Variants in CRLS1 observed in about 807,000 individuals in gnomAD.
CRLS1 encodes the protein cardiolipin synthase 1, also known as cardiolipin synthase (CMP-forming).
CRLS1 carries 24 observed loss-of-function variants against 37.0 expected under a neutral mutation model. The observed-to-expected ratio is 0.65, with a 90% CI of 0.47 to 0.91. The LOEUF is 0.91. Ranked by LOEUF, CRLS1 falls within the 40% of genes least tolerant of loss-of-function variation. The pLI, the probability that CRLS1 is intolerant of heterozygous loss-of-function variation, is 0.00. For missense variants in CRLS1, 373 were observed against 395.8 expected (o/e 0.94, Z 0.49); for synonymous variants, 135 against 159.7 (o/e 0.85, Z 1.17).
At chr20:6,030,928 G>A (rs1326969148) in intron 3 of CRLS1, among the ~76,000 whole-genome samples, 2 of 152,154 alleles carry the variant, frequency 1.3e-5, no homozygotes, top group South Asian at 2.1e-4. Context: ...GAGCTTAGAA[G>A]TAGCAAAGGA....
At chr20:6,031,395 C>G in intron 4 of CRLS1, 25 bp downstream of exon 4, 1 of 1,513,204 alleles carries the variant, frequency 6.6e-7, no homozygotes, top group Non-Finnish European at 9.1e-7. Context: ...AAAAAGTATT[C>G]TTTTAGCATT....
intron 3 of CRLS1, among the ~76,000 whole-genome samples, chr20:6,026,670 A>T (rs1385044180): frequency 6.6e-6 from 1 of 152,136 alleles, no homozygotes; most frequent in Non-Finnish European, 1.5e-5. Context: ...TGAAAAGTTC[A>T]TTGGGAGCTC....
intron 5 of CRLS1, among the ~76,000 whole-genome samples, chr20:6,032,745 G>T (rs926196799): frequency 4.6e-5 from 7 of 152,146 alleles, no homozygotes; most frequent in Non-Finnish European, 1.0e-4. Context: ...AGCCATATTT[G>T]TTTTTCTAGT....
rs1268029010 is a variant in CRLS1 at position 6,032,072 on chromosome 20, A to G, written c.721A>G (p.Ile241Val). The G allele has an allele frequency of 6.2e-7, 1 of 1,610,512 alleles. No homozygotes were observed. Among genetic ancestry groups the G allele is most frequent in the African/African-American group, 1.3e-5 (1 of 74,910 alleles). The change falls in exon 5 of 7, where the codon ATC (isoleucine) becomes GTC (valine). Residue 241 changes from isoleucine (I) to valine (V), a missense_variant. Ile to Val is a conservative substitution (Grantham distance 29). Transcript: ENST00000378863. ...YATARLKPTF[I>V]SKVNTAVQLI... Reference sequence around the variant, plus strand: ...CACTGCTAGGTTAAAACCAACATTCATCAGCAAGGTAAGAGAATGCAATGT... The same window carrying G: ...CACTGCTAGGTTAAAACCAACATTCGTCAGCAAGGTAAGAGAATGCAATGT...
chr20:6,027,866 G>T (rs1279432733), intron 3 of CRLS1, among the ~76,000 whole-genome samples: 3 of 152,206 alleles, frequency 2.0e-5, no homozygotes, highest in African/African-American at 7.2e-5. Context: ...TTGGGGCGGG[G>T]ATCTAACTGC....
At chr20:6,028,906 C>T (rs1979928522) in intron 3 of CRLS1, among the ~76,000 whole-genome samples, 1 of 152,220 alleles carries the variant, frequency 6.6e-6, no homozygotes, top group Non-Finnish European at 1.5e-5. Flanking sequence ...ACTGTTTTAA[C>T]TCTAGAAGAG....
chr20:6,027,710 C>T (rs1299757497), intron 3 of CRLS1, among the ~76,000 whole-genome samples: 1 of 152,210 alleles, frequency 6.6e-6, no homozygotes, highest in African/African-American at 2.4e-5. Flanking sequence ...CCACCCCGCC[C>T]AGCCTGGAAA....
At chr20:6,012,995 G>A (rs528768159) in intron 2 of CRLS1, among the ~76,000 whole-genome samples, 5 of 152,266 alleles carry the variant, frequency 3.3e-5, no homozygotes, top group East Asian at 3.9e-4. Flanking sequence ...GGGTGGGGAC[G>A]ATTGGAGTGG....
At chr20:6,023,420 C>T (rs1480816055) in intron 3 of CRLS1, 2 of 152,138 alleles carry the variant, frequency 1.3e-5, no homozygotes, top group African/African-American at 4.8e-5. Context: ...CATAGACCAC[C>T]AGGTGATGAG....
rs1007146382 is a variant in CRLS1, at chr20:6,037,966, A to T, written c.*808A>T. ...TTATGTAAATAATATCAAGCTGTAT[A>T]TTTTTCAAAGGTTTTTTAAACTTTG... On this transcript the variant is annotated 3_prime_UTR_variant, in exon 7 of 7. Coordinates refer to ENST00000378863, the MANE Select transcript of CRLS1 (RefSeq NM_019095.6). 1.3e-5 allele frequency: 2 copies of T among 152,128 alleles called. No individual in the cohort carries two copies. The highest frequency in any genetic ancestry group is 1.5e-5 in the Non-Finnish European group (1 of 68,024). 9.4% of individuals were successfully genotyped at this position (152,128 alleles called of 1,614,324 possible). A position where few individuals can be genotyped will look rare whatever the true frequency, so the allele number is the denominator to read the frequency against.
chr20:6,020,326 G>A (rs1600369144), intron 3 of CRLS1, among the ~76,000 whole-genome samples: 1 of 152,138 alleles, frequency 6.6e-6, no homozygotes, highest in Non-Finnish European at 1.5e-5. Context: ...TCATTGTCCA[G>A]TATACAATAT....
chr20:6,034,368 C>G (rs1195651603), intron 5 of CRLS1, 96 bp from the exon 6 acceptor site: 1 of 769,774 alleles, frequency 1.3e-6, no homozygotes, highest in Non-Finnish European at 2.2e-6. Context: ...GAGGGTATGT[C>G]ATGTTATAGT....
At chr20:6,033,485 C>T (rs530265825) in intron 5 of CRLS1, among the ~76,000 whole-genome samples, 14 of 152,052 alleles carry the variant, frequency 9.2e-5, no homozygotes, top group East Asian at 3.9e-4. Context: ...GGCTGCAGAA[C>T]GGGTGATAGA....
intron 3 of CRLS1, chr20:6,026,301 T>TA (rs2122994861): frequency 6.8e-6 from 1 of 147,788 alleles, no homozygotes; most frequent in African/African-American, 2.6e-5. Context: ...TGTTAGCATG[T>TA]GGTGTGAGTG....
At chr20:6,010,266 TG>T (rs2122914651) in intron 2 of CRLS1, among the ~76,000 whole-genome samples, 1 of 152,240 alleles carries the variant, frequency 6.6e-6, no homozygotes, top group East Asian at 1.9e-4. Context: ...TTCTATGTAT[TG>T]TGGTAAAGAG....
intron 3 of CRLS1, among the ~76,000 whole-genome samples, chr20:6,023,899 C>T (rs6085353): frequency 0.09 from 13,670 of 152,032 alleles, 850 homozygotes; most frequent in Middle Eastern, 0.21. Flanking sequence ...CCTATGTCCA[C>T]AAGTCTGTCA....
chr20:6,033,172 C>G (rs1980304666), intron 5 of CRLS1, among the ~76,000 whole-genome samples: 1 of 150,326 alleles, frequency 6.7e-6, no homozygotes, highest in African/African-American at 2.5e-5. Context: ...TCTTGTTGCC[C>G]AGGCTGGAGT....
chr20:6,007,655 G>A (rs1197002625), intron 1 of CRLS1, among the ~76,000 whole-genome samples: 1 of 152,076 alleles, frequency 6.6e-6, no homozygotes, highest in Non-Finnish European at 1.5e-5. Flanking sequence ...TTAATTTGGG[G>A]ACCTTTTTTC....
intron 2 of CRLS1, among the ~76,000 whole-genome samples, chr20:6,013,732 T>A (rs1240922082): frequency 2.0e-5 from 3 of 152,188 alleles, no homozygotes; most frequent in East Asian, 3.8e-4. Flanking sequence ...ATGGGAGATT[T>A]GTGGTCATCA....
Sources: allele counts gnomAD v4.1 joint callset (sites outside exome capture counted in the v4.1 genomes callset), GRCh38; gene constraint gnomAD v4.1.1; transcripts MANE v1.5; gene names NCBI Gene and HGNC (gene_info 2026-07-23, HGNC 2026-07-21).